Variants in COL11A1 observed in about 807,000 individuals in gnomAD.
COL11A1 encodes the protein collagen alpha-1(XI) chain.
In COL11A1, 74 loss-of-function variants were observed where a neutral mutation model predicts 265.2. The ratio of observed to expected loss-of-function variants is 0.28; its 90% CI spans 0.23 to 0.34. The LOEUF is 0.34. Ranked by LOEUF, COL11A1 falls within the 10% of genes least tolerant of loss-of-function variation. The probability of loss-of-function intolerance (pLI) is 1.00; values close to 1 mark genes in which losing one functional copy is unlikely to be tolerated. For missense variants in COL11A1, 2,165 were observed against 2,263.6 expected, an observed-to-expected ratio of 0.96 and a Z score of 0.88; for synonymous variants, 816 against 727.6, an observed-to-expected ratio of 1.12 and a Z score of -1.96.
rs1665428630 is a variant in COL11A1, at chr1:103,004,645, T to C, written c.1862A>G (p.Gln621Arg). 1 of 1,610,916 alleles carries C rather than the reference T, an allele frequency of 6.2e-7. No individual in the cohort carries two copies. Among genetic ancestry groups the C allele is most frequent in the South Asian group, 1.1e-5 (1 of 90,888 alleles). ...ATCACCAGGAGGACCTGGAGGACCT[T>C]GAGGACCTCGTTCACCCTGTTAAAT... ...DKGHRGERGP[Q>R]GPPGPPGDDG... Residue 621 changes from glutamine (Q) to arginine (R), a missense_variant, in exon 19 of 67, where the codon CAA (glutamine) becomes CGA (arginine). Gln to Arg is a conservative substitution (Grantham distance 43). Transcript: ENST00000370096.
At chr1:102,920,502 A>T in intron 48 of COL11A1, 138 bp from the exon 49 acceptor site, 1 of 718,000 alleles carries the variant, frequency 1.4e-6, no homozygotes, top group Non-Finnish European at 2.4e-6. Context: ...AGACTAAATG[A>T]TGCTTAATAG....
Position 102,928,172 on chromosome 1 carries a change from C to T in COL11A1, c.3601-4783G>A, listed in dbSNP as rs548833806. Among the ~76,000 whole-genome samples the T allele has an allele frequency of 1.3e-4, 19 of 151,924 alleles. No homozygotes were observed. The South Asian group carries it at 3.5e-3, about 28-fold the overall frequency. ...TGTGCAGGTTAGTTACATATGTATACATGTGCAATGCTGGTGTGCTGCACC... is the reference window on the plus strand; with the variant it reads ...TGTGCAGGTTAGTTACATATGTATATATGTGCAATGCTGGTGTGCTGCACC... On this transcript the variant is annotated intron_variant, in intron 46 of 66. Coordinates refer to ENST00000370096, the MANE Select transcript of COL11A1 (RefSeq NM_001854.4).
chr1:103,101,456 T>A (rs778238517), intron 1 of COL11A1, among the ~76,000 whole-genome samples: 10 of 151,936 alleles, frequency 6.6e-5, no homozygotes, highest in Non-Finnish European at 1.5e-4. Context: ...AGTATGAAAA[T>A]GCACTAGAGT....
chr1:102,976,289 C>CTTT lies in COL11A1; in HGVS notation c.2755-1409_2755-1407dup, dbSNP rs149842131. ...TATAAAATTTCACAGAAAACGTTGG[C>CTTT]TTTTTTTTTTTTTTTTTTTTTTTTT... On this transcript the variant is annotated intron_variant, in intron 35 of 66. Coordinates refer to ENST00000370096, the MANE Select transcript of COL11A1 (RefSeq NM_001854.4). 1.3e-3 allele frequency among the ~76,000 whole-genome samples: 75 copies of CTTT among 58,598 alleles called. 23 individuals carry two copies. The highest frequency in any genetic ancestry group is 0.011 in the South Asian group (11 of 986). The allele number at this position is 58,598 out of a possible 152,430, so 38.4% of individuals were successfully genotyped here. A position where few individuals can be genotyped will look rare whatever the true frequency, so the allele number is the denominator to read the frequency against.
At chr1:103,031,298 A>G in intron 4 of COL11A1, 54 bp from the exon 5 acceptor site, 1 of 1,577,252 alleles carries the variant, frequency 6.3e-7, no homozygotes, top group Non-Finnish European at 8.6e-7. Context: ...TTAGCATATT[A>G]AAGTACACAT....
intron 42 of COL11A1, among the ~76,000 whole-genome samples, chr1:102,943,630 TCAC>T (rs1437723038): frequency 6.6e-6 from 1 of 152,100 alleles, no homozygotes; most frequent in Non-Finnish European, 1.5e-5. Flanking sequence ...CTTTTAAACA[TCAC>T]TCTTATTTTA....
At chr1:103,000,425 C>A (rs928465372) in intron 24 of COL11A1, among the ~76,000 whole-genome samples, 3 of 151,730 alleles carry the variant, frequency 2.0e-5, no homozygotes, top group African/African-American at 7.3e-5. Flanking sequence ...GATAAATAAT[C>A]CAATTAGAAT....
At chr1:102,915,500 GA>G in intron 50 of COL11A1, 130 bp downstream of exon 50, 1 of 794,518 alleles carries the variant, frequency 1.3e-6, no homozygotes, top group Non-Finnish European at 2.3e-6. Flanking sequence ...TTGTATTTGT[GA>G]TTTTCCTTAA....
intron 5 of COL11A1, among the ~76,000 whole-genome samples, chr1:103,029,915 A>G (rs71664965): frequency 6.6e-6 from 1 of 152,066 alleles, no homozygotes; most frequent in African/African-American, 2.4e-5. Context: ...AATCAGAGCC[A>G]TATCTGTTGC....
chr1:102,912,685 T>C (rs1557810279), intron 53 of COL11A1, among the ~76,000 whole-genome samples: 1 of 152,210 alleles, frequency 6.6e-6, no homozygotes, highest in Non-Finnish European at 1.5e-5. Flanking sequence ...CATCTTGAAT[T>C]GTAGTTCCTA....
chr1:102,991,678 C>G (rs1664152846), intron 28 of COL11A1, among the ~76,000 whole-genome samples: 1 of 152,046 alleles, frequency 6.6e-6, no homozygotes, highest in Non-Finnish European at 1.5e-5. Context: ...CCACAATGTT[C>G]AATAAACATT....
chr1:103,026,063 A>G (rs1667486228), intron 6 of COL11A1, 153 bp downstream of exon 6: 6 of 1,242,250 alleles, frequency 4.8e-6, no homozygotes, highest in Non-Finnish European at 4.7e-6. Context: ...TCATTCTTCA[A>G]AACGGCTACT....
chr1:102,931,631 C>G (rs1657458280), intron 46 of COL11A1, among the ~76,000 whole-genome samples: 2 of 151,794 alleles, frequency 1.3e-5, no homozygotes, highest in African/African-American at 4.8e-5. Context: ...GAGCTGAGTT[C>G]AATTCCTGGG....
rs148448528 is a variant in COL11A1, at chr1:102,915,081, T to C, written c.3817-270A>G. On this transcript the variant is annotated intron_variant, in intron 50 of 66. Transcript: ENST00000370096. ...CACCAGGCCCGGCTAATTTTTGTACTTTTTAGTAGAGACGGGGTTTTACCA... is the reference window on the plus strand; with the variant it reads ...CACCAGGCCCGGCTAATTTTTGTACCTTTTAGTAGAGACGGGGTTTTACCA... Among the ~76,000 whole-genome samples the C allele has an allele frequency of 8.0e-3, 1,217 of 152,170 alleles. 19 individuals are homozygous for C. Among genetic ancestry groups the C allele is most frequent in the African/African-American group, 0.028 (1,149 of 41,522 alleles).
chr1:102,981,972 A>T (rs1039142656), intron 31 of COL11A1, among the ~76,000 whole-genome samples: 1 of 151,896 alleles, frequency 6.6e-6, no homozygotes, highest in Non-Finnish European at 1.5e-5. Context: ...TAAAAAAAAA[A>T]TTTAAATTTA....
intron 4 of COL11A1, among the ~76,000 whole-genome samples, chr1:103,044,124 T>G (rs956527124): frequency 6.6e-6 from 1 of 151,234 alleles, no homozygotes; most frequent in Non-Finnish European, 1.5e-5. Context: ...GCTTCCTGTC[T>G]ACTTAGAATT....
intron 4 of COL11A1, among the ~76,000 whole-genome samples, chr1:103,032,959 C>CTTAGTAGTT (rs1472274128): frequency 1.3e-4 from 20 of 152,174 alleles, no homozygotes; most frequent in Non-Finnish European, 2.1e-4. Flanking sequence ...CTTGTCCAAC[C>CTTAGTAGTT]ATCACTACTA....
intron 54 of COL11A1, 89 bp downstream of exon 54, chr1:102,912,065 TATAAC>T (rs1413987236): frequency 5.8e-6 from 6 of 1,033,014 alleles, no homozygotes; most frequent in South Asian, 1.5e-5. Flanking sequence ...TCATTATTCT[TATAAC>T]ATGCTGCCTG....
At chr1:102,881,114 T>C (rs1489843776) in intron 65 of COL11A1, among the ~76,000 whole-genome samples, 1 of 152,098 alleles carries the variant, frequency 6.6e-6, no homozygotes, top group Non-Finnish European at 1.5e-5. Flanking sequence ...GAAAACACTT[T>C]AAATTCAATA....
Sources: gnomAD v4.1 joint callset for allele counts (sites outside exome capture counted in the v4.1 genomes callset) on GRCh38, gnomAD v4.1.1 for gene constraint, MANE v1.5 for transcripts, NCBI Gene and HGNC (gene_info 2026-07-23, HGNC 2026-07-21) for gene names.